Variants in TRERF1 observed in about 807,000 individuals in gnomAD.
TRERF1 encodes transcriptional regulating factor 1.
In TRERF1, 27 loss-of-function variants were observed where a neutral mutation model predicts 122.9. The observed-to-expected ratio is 0.22, with a 90% CI of 0.16 to 0.30. TRERF1 has a LOEUF of 0.30. Ranked by LOEUF, TRERF1 falls within the 10% of genes least tolerant of loss-of-function variation. The probability of loss-of-function intolerance (pLI) is 1.00; values close to 1 mark genes in which losing one functional copy is unlikely to be tolerated. For synonymous variants in TRERF1, 636 were observed against 641.7 expected (o/e 0.99, Z 0.13); for missense variants, 1,248 against 1,560.3 (o/e 0.80, Z 3.37).
At chr6:42,408,265 G>GCACACA (rs1287781964) in intron 2 of TRERF1, among the ~76,000 whole-genome samples, 1 of 109,340 alleles carries the variant, frequency 9.1e-6, no homozygotes, top group East Asian at 3.0e-4. Context: ...ACATGTGTGT[G>GCACACA]TATGTATATA....
At chr6:42,241,079 T>C (rs889110715) in intron 15 of TRERF1, among the ~76,000 whole-genome samples, 4 of 152,134 alleles carry the variant, frequency 2.6e-5, no homozygotes, top group Non-Finnish European at 4.4e-5. Context: ...AGAGATGGGG[T>C]TTCACCATGT....
chr6:42,349,452 G>C (rs1396122756), intron 3 of TRERF1, among the ~76,000 whole-genome samples: 1 of 151,924 alleles, frequency 6.6e-6, no homozygotes, highest in Non-Finnish European at 1.5e-5. Context: ...AACTGATAGG[G>C]AATGAATGAA....
At chr6:42,234,468 G>A (rs938333306) in intron 16 of TRERF1, among the ~76,000 whole-genome samples, 1 of 151,916 alleles carries the variant, frequency 6.6e-6, no homozygotes, top group African/African-American at 2.4e-5. Context: ...CTCCCAAGTA[G>A]CTGGGACTAC....
chr6:42,296,899 C>T (rs1251202605), intron 4 of TRERF1, among the ~76,000 whole-genome samples: 1 of 152,106 alleles, frequency 6.6e-6, no homozygotes, highest in Non-Finnish European at 1.5e-5. Context: ...ACAAACAAGC[C>T]ACAAAATATG....
chr6:42,401,835 G>A (rs928564690), intron 2 of TRERF1, among the ~76,000 whole-genome samples: 8 of 152,304 alleles, frequency 5.3e-5, no homozygotes, highest in African/African-American at 1.2e-4. Flanking sequence ...TACCACTGGA[G>A]ACCAAATGGA....
chr6:42,341,821 T>C (rs1767347148), intron 3 of TRERF1, among the ~76,000 whole-genome samples: 1 of 152,234 alleles, frequency 6.6e-6, no homozygotes, highest in Non-Finnish European at 1.5e-5. Flanking sequence ...CATCAGTTCA[T>C]GTTGGATGTG....
At chr6:42,364,702 A>T (rs1435949309) in intron 2 of TRERF1, among the ~76,000 whole-genome samples, 2 of 152,370 alleles carry the variant, frequency 1.3e-5, no homozygotes, top group East Asian at 3.9e-4. Context: ...AGGCCTCTGC[A>T]GCAAACCCAC....
chr6:42,317,395 C>T (rs1762671094), intron 3 of TRERF1, among the ~76,000 whole-genome samples: 1 of 152,022 alleles, frequency 6.6e-6, no homozygotes, highest in Non-Finnish European at 1.5e-5. Flanking sequence ...TGCTCTGTTG[C>T]CCAGGCTGGA....
intron 2 of TRERF1, among the ~76,000 whole-genome samples, chr6:42,375,248 A>T (rs1241660928): frequency 6.6e-6 from 1 of 152,136 alleles, no homozygotes; most frequent in African/African-American, 2.4e-5. Flanking sequence ...CTGTTCATGA[A>T]GATGCCTTCT....
At chr6:42,343,138 C>A (rs1326476265) in intron 3 of TRERF1, among the ~76,000 whole-genome samples, 4 of 152,138 alleles carry the variant, frequency 2.6e-5, no homozygotes, top group Non-Finnish European at 5.9e-5. Context: ...ACTGGGCCTC[C>A]CAGGAGCTTA....
At chr6:42,339,155 G>T (rs1346285147) in intron 3 of TRERF1, among the ~76,000 whole-genome samples, 1 of 152,212 alleles carries the variant, frequency 6.6e-6, no homozygotes, top group Non-Finnish European at 1.5e-5. Context: ...TGAACTGCAG[G>T]TCAATACCAG....
At position 42,269,789 on chromosome 6, in the gene TRERF1, T is replaced by A; in HGVS notation, c.-199A>T. The A allele has an allele frequency of 7.1e-7, 1 of 1,413,706 alleles. No homozygotes were observed. The highest frequency in any genetic ancestry group is 9.2e-7 in the Non-Finnish European group (1 of 1,082,514). The allele number at this position is 1,413,706 out of a possible 1,614,324, so 87.6% of individuals were successfully genotyped here. ...CATGTGCAGGGCGGGGGGTTTCACA[T>A]CCTCTCCCTGGCTGAGGTATAGACC... On this transcript the variant is annotated 5_prime_UTR_variant, in exon 5 of 18. It removes an upstream start codon present in the reference 5' UTR. Transcript: ENST00000372922. The surrounding 1 kb of genome is among the most constrained non-coding windows in gnomAD (Gnocchi z 4.9).
chr6:42,317,826 AT>A (rs1310469188), intron 3 of TRERF1, among the ~76,000 whole-genome samples: 1 of 152,130 alleles, frequency 6.6e-6, no homozygotes, highest in Non-Finnish European at 1.5e-5. Flanking sequence ...ATAATTTTGA[AT>A]CCTGCTTATA....
rs1779531764 is a variant in TRERF1 at position 42,268,098 on chromosome 6, CA to C, written c.1437+55del. The C allele has an allele frequency of 1.4e-6, 2 of 1,392,418 alleles. No homozygotes were observed. Among genetic ancestry groups the C allele is most frequent in the Admixed American group, 2.7e-5 (1 of 36,898 alleles). The allele number at this position is 1,392,418 out of a possible 1,614,324, so 86.3% of individuals were successfully genotyped here. On this transcript the variant is annotated intron_variant, in intron 5 of 17. Coordinates refer to ENST00000372922, the Ensembl canonical transcript of TRERF1. This position sits in a 1 kb window ranked among gnomAD's most constrained non-coding sequence, Gnocchi z 4.4. ...GAGAGAGGATTGAGCACTGCAGACT[CA>C]GCCCTGACCCTGTAGCACACTGGGT...
Position 42,232,809 on chromosome 6 carries a change from G to A in TRERF1, c.3150C>T (p.Ile1050=). 1 of 1,613,162 alleles carries A rather than the reference G, an allele frequency of 6.2e-7. No individual in the cohort carries two copies. Among genetic ancestry groups the A allele is most frequent in the Non-Finnish European group, 8.5e-7 (1 of 1,179,622 alleles). The change falls in exon 17 of 18, where the codon ATC becomes ATT. Residue 1050 remains isoleucine (I), a synonymous_variant. Transcript: ENST00000372922. This position sits in a 1 kb window ranked among gnomAD's most constrained non-coding sequence, Gnocchi z 4.5. ...CACCAGGCTTCTGCTTCCCAGAGGG[G>A]ATGGCACCTCGGGCCTTGGTCACCT... is the stretch of plus-strand genomic sequence containing the variant.
intron 12 of TRERF1, 113 bp downstream of exon 12, chr6:42,256,615 C>G: frequency 1.2e-6 from 1 of 843,036 alleles, no homozygotes; most frequent in Non-Finnish European, 2.0e-6. Flanking sequence ...GCTGATTGGT[C>G]ATCATGCGCC....
chr6:42,232,789 G>T lies in TRERF1; in HGVS notation c.3170C>A (p.Pro1057His). 1 of 1,613,452 alleles carries T rather than the reference G, an allele frequency of 6.2e-7. No homozygotes were observed. Among genetic ancestry groups the T allele is most frequent in the Non-Finnish European group, 8.5e-7 (1 of 1,179,648 alleles). The change falls in exon 17 of 18, where the codon CCT (proline) becomes CAT (histidine). Residue 1057 changes from proline to histidine, a missense_variant. By Grantham distance (77) the Pro-to-His change is moderately conservative (BLOSUM62 -2). This residue lies in a region of TRERF1 where 159 missense variants were observed against 221.7 expected (regional missense o/e 0.72). Coordinates refer to ENST00000372922, the Ensembl canonical transcript of TRERF1. This position sits in a 1 kb window ranked among gnomAD's most constrained non-coding sequence, Gnocchi z 4.5. ...ACAGTACCCACTCTGGGTGCCACCA[G>T]GCTTCTGCTTCCCAGAGGGGATGGC...
chr6:42,268,262 C>T lies in TRERF1; in HGVS notation c.1329G>A (p.Arg443=). The T allele has an allele frequency of 1.3e-6, 2 of 1,500,542 alleles. No homozygotes were observed. The highest frequency in any genetic ancestry group is 2.3e-5 in the East Asian group (1 of 43,222). The allele number at this position is 1,500,542 out of a possible 1,614,324, so 93.0% of individuals were successfully genotyped here. ...GGCGATGGGGGAGGGTGCTGCTGACCCGGGTCAGATCTGAGCTCGCTGGGT... is the reference window on the plus strand; with the variant it reads ...GGCGATGGGGGAGGGTGCTGCTGACTCGGGTCAGATCTGAGCTCGCTGGGT... The change falls in exon 5 of 18, where the codon CGG becomes CGA. Residue 443 remains arginine (R), a synonymous_variant. Coordinates refer to ENST00000372922, the Ensembl canonical transcript of TRERF1. The surrounding 1 kb of genome is among the most constrained non-coding windows in gnomAD (Gnocchi z 4.4).
At position 42,288,593 on chromosome 6, in the gene TRERF1, AAAAGAG is replaced by A. The variant is rs1331835686; in HGVS notation, c.-259+12039_-259+12044del. ...CAAAACCAAAAAAAAAAAAAAAAAA[AAAAGAG>A]AGAGAGACGGGGTTGTGACCTTGGC... On this transcript the variant is annotated intron_variant, in intron 4 of 17. Coordinates refer to ENST00000372922, the Ensembl canonical transcript of TRERF1. Among the ~76,000 whole-genome samples, 299 of 142,594 alleles carry A rather than the reference AAAAGAG, an allele frequency of 2.1e-3. 1 individual carries two copies. The highest frequency in any genetic ancestry group is 3.7e-3 in the Non-Finnish European group (237 of 63,564). 93.5% of individuals were successfully genotyped at this position (142,594 alleles called of 152,430 possible). A position where few individuals can be genotyped will look rare whatever the true frequency, so the allele number is the denominator to read the frequency against.
Sources: gnomAD v4.1 joint callset for allele counts (sites outside exome capture counted in the v4.1 genomes callset) on GRCh38, gnomAD v4.1.1 for gene constraint, gnomAD v4.1.1 regional missense constraint, Gnocchi (gnomAD v3.1) non-coding constraint, MANE v1.5 for transcripts, NCBI Gene and HGNC (gene_info 2026-07-23, HGNC 2026-07-21) for gene names.